Variants in PHF13 observed in about 807,000 individuals in gnomAD.
PHF13 encodes PHD finger protein 13.
PHF13 carries 1 observed loss-of-function variant against 25.8 expected under a neutral mutation model. The observed-to-expected ratio is 0.04, with a 90% CI of 0.01 to 0.18. The LOEUF (loss-of-function observed/expected upper bound fraction) is 0.18, where lower values mean the gene tolerates loss of function less well. Ranked by LOEUF, PHF13 falls within the 10% of genes least tolerant of loss-of-function variation. PHF13 has a pLI of 1.00. For missense variants in PHF13, 306 were observed against 403.2 expected (o/e 0.76, Z 2.06); for synonymous variants, 195 against 162.4 (o/e 1.20, Z -1.53).
At chr1:6,614,797 T>C (rs1239507506) in intron 1 of PHF13, among the ~76,000 whole-genome samples, 1 of 135,292 alleles carries the variant, frequency 7.4e-6, no homozygotes, top group Non-Finnish European at 1.6e-5. Flanking sequence ...TCACTCCCCC[T>C]CCTTCCGGGG....
intron 1 of PHF13, among the ~76,000 whole-genome samples, chr1:6,615,117 C>G (rs989273651): frequency 6.6e-6 from 1 of 150,976 alleles, no homozygotes; most frequent in Non-Finnish European, 1.5e-5. Flanking sequence ...CATCTGCTTT[C>G]CGAGGAGGCG....
intron 1 of PHF13, among the ~76,000 whole-genome samples, 179 bp downstream of exon 1, chr1:6,614,284 C>A (rs1278236625): frequency 5.3e-5 from 8 of 149,692 alleles, no homozygotes; most frequent in Admixed American, 4.6e-4. Flanking sequence ...TCGGTCCTCT[C>A]CGCCGGGCCT....
intron 2 of PHF13, among the ~76,000 whole-genome samples, chr1:6,618,638 TTTTC>T (rs1229177206): frequency 6.6e-6 from 1 of 152,160 alleles, no homozygotes; most frequent in Non-Finnish European, 1.5e-5. Flanking sequence ...GCCTGCTTTC[TTTTC>T]TTTCTTTTTT....
At chr1:6,614,515 G>A (rs1344579785) in intron 1 of PHF13, 5 of 198,424 alleles carry the variant, frequency 2.5e-5, no homozygotes, top group Non-Finnish European at 5.1e-5. Context: ...TGCTCTCGAG[G>A]AGTTTTAGGC....
At chr1:6,619,654 G>A (rs1641309198) in intron 2 of PHF13, 149 bp from the exon 3 acceptor site, 7 of 832,398 alleles carry the variant, frequency 8.4e-6, no homozygotes, top group Non-Finnish European at 1.3e-5. Context: ...TCATGTTACT[G>A]TTGCTTCAAG....
chr1:6,615,063 G>C (rs950891049), intron 1 of PHF13, among the ~76,000 whole-genome samples: 1 of 151,194 alleles, frequency 6.6e-6, no homozygotes, highest in African/African-American at 2.4e-5. Context: ...GCCGAGTGTC[G>C]CGGGGGGCGG....
At chr1:6,620,581 A>G (rs1641323781) in intron 3 of PHF13, among the ~76,000 whole-genome samples, 1 of 152,214 alleles carries the variant, frequency 6.6e-6, no homozygotes, top group African/African-American at 2.4e-5. Flanking sequence ...TATAGTTCTA[A>G]GTAAGCATCC....
chr1:6,615,402 C>G (rs569331557), intron 1 of PHF13, among the ~76,000 whole-genome samples: 59 of 152,330 alleles, frequency 3.9e-4, no homozygotes, highest in African/African-American at 1.1e-3. Flanking sequence ...GTGGGCGGCC[C>G]TGGGGTCCAA....
At chr1:6,614,301 C>T in intron 1 of PHF13, 196 bp downstream of exon 1, 2 of 537,786 alleles carry the variant, frequency 3.7e-6, no homozygotes, top group South Asian at 2.3e-5. Context: ...GCCTCGCCTC[C>T]GCGTCCCCTC....
In PHF13 at chr1:6,621,322, G is replaced by A. The variant is rs943957660; in HGVS notation, c.677-89G>A. The A allele has an allele frequency of 1.4e-6, 2 of 1,381,672 alleles. No homozygotes were observed. The highest frequency in any genetic ancestry group is 2.0e-6 in the Non-Finnish European group (2 of 988,016). The allele number at this position is 1,381,672 out of a possible 1,614,324, so 85.6% of individuals were successfully genotyped here. On this transcript the variant is annotated intron_variant, in intron 3 of 3. Transcript: ENST00000377648. The surrounding 1 kb of genome is among the most constrained non-coding windows in gnomAD (Gnocchi z 4.8). Reference sequence around the variant, plus strand: ...GTGGCAGTTGGAAGTGTTCTCGTCAGTAGAGTTAATGGGTTTCATGGAAGC... The same window carrying A: ...GTGGCAGTTGGAAGTGTTCTCGTCAATAGAGTTAATGGGTTTCATGGAAGC...
rs1276079766 is a variant in PHF13 at position 6,622,511 on chromosome 1, C to G, written c.*874C>G. The G allele has an allele frequency of 6.6e-6, 1 of 152,616 alleles. No homozygotes were observed. The highest frequency in any genetic ancestry group is 1.5e-5 in the Non-Finnish European group (1 of 68,092). The allele number at this position is 152,616 out of a possible 1,614,324, so 9.5% of individuals were successfully genotyped here. ...AGGTTCTGTCTTTGTCTCTTCCTTTCACCTCATTCTGGTAGCAGCATAAAG... is the reference window on the plus strand; with the variant it reads ...AGGTTCTGTCTTTGTCTCTTCCTTTGACCTCATTCTGGTAGCAGCATAAAG... On this transcript the variant is annotated 3_prime_UTR_variant, in exon 4 of 4. Coordinates refer to ENST00000377648, the MANE Select transcript of PHF13 (RefSeq NM_153812.3).
chr1:6,614,845 T>C (rs1251209262), intron 1 of PHF13, among the ~76,000 whole-genome samples: 2 of 149,786 alleles, frequency 1.3e-5, no homozygotes, highest in Non-Finnish European at 3.0e-5. Flanking sequence ...CCCCGCGCGG[T>C]CCCCTCCCCC....
chr1:6,616,706 C>A (rs549073768), intron 1 of PHF13, 51 bp from the exon 2 acceptor site: 1 of 1,489,242 alleles, frequency 6.7e-7, no homozygotes, highest in African/African-American at 1.4e-5. Flanking sequence ...TCTGTGATTC[C>A]GCCTGGAAGC....
rs1361488320 is a variant in PHF13 at position 6,623,451 on chromosome 1, G to C, written c.*1814G>C. 1 of 152,622 alleles carries C rather than the reference G, an allele frequency of 6.6e-6. No homozygotes were observed. Among genetic ancestry groups the C allele is most frequent in the Middle Eastern group, 3.4e-3 (1 of 294 alleles). 9.5% of individuals were successfully genotyped at this position (152,622 alleles called of 1,614,324 possible). ...AAAGATCTACCCTGAGATAACGCCT[G>C]TCCAGTGTCTTCACCACGTGAATAA... is the stretch of plus-strand genomic sequence containing the variant. On this transcript the variant is annotated 3_prime_UTR_variant, in exon 4 of 4. Coordinates refer to ENST00000377648, the MANE Select transcript of PHF13 (RefSeq NM_153812.3).
In PHF13 at chr1:6,621,641, C is replaced by A. The variant is rs143287326; in HGVS notation, c.*4C>A. The A allele has an allele frequency of 3.6e-4, 588 of 1,613,624 alleles. 1 individual carries two copies. In the African/African-American group the frequency reaches 6.4e-3, roughly 17 times the overall value. ...CCGGAAGCTGTTCCTGGACTGACTGCTGGCTGGCGAGGAGGCTGCGAGCGT... is the reference window on the plus strand; with the variant it reads ...CCGGAAGCTGTTCCTGGACTGACTGATGGCTGGCGAGGAGGCTGCGAGCGT... On this transcript the variant is annotated 3_prime_UTR_variant, in exon 4 of 4. Coordinates refer to ENST00000377648, the MANE Select transcript of PHF13 (RefSeq NM_153812.3). This position sits in a 1 kb window ranked among gnomAD's most constrained non-coding sequence, Gnocchi z 4.8.
At chr1:6,615,382 C>T (rs535286977) in intron 1 of PHF13, among the ~76,000 whole-genome samples, 22 of 152,346 alleles carry the variant, frequency 1.4e-4, no homozygotes, top group African/African-American at 5.3e-4. Context: ...CGGGCCTTCG[C>T]CTCCGCTCCG....
rs563519342 is a variant in PHF13, at chr1:6,623,519, C to T, written c.*1882C>T. ...TTTTCTGCTTTGAAAAAAAAAAATT[C>T]CACAAGCTTTTAAAGGTGCATTTAA... On this transcript the variant is annotated 3_prime_UTR_variant, in exon 4 of 4. Transcript: ENST00000377648. 2 of 152,558 alleles carry T rather than the reference C, an allele frequency of 1.3e-5. No homozygotes were observed. The highest frequency in any genetic ancestry group is 2.9e-5 in the Non-Finnish European group (2 of 68,040). The allele number at this position is 152,558 out of a possible 1,614,324, so 9.5% of individuals were successfully genotyped here.
Position 6,613,796 on chromosome 1 carries a change from A to G in PHF13, c.-271A>G, listed in dbSNP as rs1415119073. ...CGGGGAGCCGGTCGGGTTCCCGCTC[A>G]CCGCCGCCGCCGCCGCCCCCTGCAG... On this transcript the variant is annotated 5_prime_UTR_variant, in exon 1 of 4. Transcript: ENST00000377648. 15 of 212,822 alleles carry G rather than the reference A, an allele frequency of 7.0e-5. No individual in the cohort carries two copies. The highest frequency in any genetic ancestry group is 9.8e-5 in the Non-Finnish European group (11 of 112,524). 13.2% of individuals were successfully genotyped at this position (212,822 alleles called of 1,614,324 possible).
chr1:6,619,893 G>C lies in PHF13; in HGVS notation c.232G>C (p.Ala78Pro). ...CTGGGACGCGGGTTTCTCAGACATC[G>C]CGTCCTCAGTGCCCTTGCCAGTCTC... ...DGWDAGFSDI[A>P]SSVPLPVSDR... The change falls in exon 3 of 4, where the codon GCG becomes CCG. Residue 78 changes from alanine to proline, a missense_variant. Transcript: ENST00000377648. 6.2e-7 allele frequency: 1 copy of C among 1,613,892 alleles called. No individual in the cohort carries two copies. Among genetic ancestry groups the C allele is most frequent in the East Asian group, 2.2e-5 (1 of 44,868 alleles).
Sources: gnomAD v4.1 joint callset for allele counts (sites outside exome capture counted in the v4.1 genomes callset) on GRCh38, gnomAD v4.1.1 for gene constraint, Gnocchi (gnomAD v3.1) non-coding constraint, MANE v1.5 for transcripts, NCBI Gene and HGNC (gene_info 2026-07-23, HGNC 2026-07-21) for gene names.